The following SGMS2 variants were observed in gnomAD, a reference collection of about 807,000 sequenced individuals.
The protein encoded by SGMS2 is phosphatidylcholine:ceramide cholinephosphotransferase 2.
Under a neutral mutation model 43.8 loss-of-function variants are expected in SGMS2, and 21 were observed. That is an observed-to-expected ratio of 0.48 (90% CI 0.34 to 0.69). The LOEUF (loss-of-function observed/expected upper bound fraction) is 0.69, where lower values mean the gene tolerates loss of function less well. SGMS2 is among the 30% of genes least tolerant of loss of function. The pLI is 0.01. For synonymous variants in SGMS2, 167 were observed against 160.6 expected (o/e 1.04, Z -0.30); for missense variants, 384 against 443.2 (o/e 0.87, Z 1.20).
chr4:107,839,031 C>T (rs929412940), intron 1 of SGMS2, among the ~76,000 whole-genome samples: 3 of 152,170 alleles, frequency 2.0e-5, no homozygotes, highest in African/African-American at 7.2e-5. Context: ...GCTTGCTTAG[C>T]TCCATTCCTT....
At chr4:107,876,507 A>C (rs913692885) in intron 2 of SGMS2, among the ~76,000 whole-genome samples, 3 of 152,222 alleles carry the variant, frequency 2.0e-5, no homozygotes, top group Admixed American at 6.5e-5. Context: ...AACAGCAAGC[A>C]ATGTTTCAAG....
chr4:107,862,535 T>G (rs1341499690), intron 2 of SGMS2, among the ~76,000 whole-genome samples: 1 of 152,196 alleles, frequency 6.6e-6, no homozygotes, highest in African/African-American at 2.4e-5. Context: ...AGCTTTGTCT[T>G]AAAAGTTTTT....
chr4:107,880,578 G>T (rs573123413), intron 2 of SGMS2, among the ~76,000 whole-genome samples: 2 of 151,886 alleles, frequency 1.3e-5, no homozygotes, highest in African/African-American at 4.8e-5. Flanking sequence ...AAAGCTGGCC[G>T]GGTGCGATGG....
At chr4:107,848,483 GA>G (rs1473393406) in intron 1 of SGMS2, among the ~76,000 whole-genome samples, 1 of 152,100 alleles carries the variant, frequency 6.6e-6, no homozygotes, top group Non-Finnish European at 1.5e-5. Context: ...AGTTTTATAA[GA>G]AACTGCCTTA....
At chr4:107,869,743 G>A (rs1370495096) in intron 2 of SGMS2, among the ~76,000 whole-genome samples, 1 of 151,944 alleles carries the variant, frequency 6.6e-6, no homozygotes, top group Non-Finnish European at 1.5e-5. Flanking sequence ...AAAATACAGA[G>A]TAGAGGACAG....
At position 107,895,689 on chromosome 4, in the gene SGMS2, T is replaced by C. The variant is rs1229007532; in HGVS notation, c.136T>C (p.Ser46Pro). Reference protein sequence around the residue: ...KNGNGKPKSLSSGLRKGTKKY... With the variant: ...KNGNGKPKSLPSGLRKGTKKY... Reference sequence around the variant, plus strand: ...TGGCAATGGTAAACCCAAGAGCTTATCCAGTGGGCTGCGAAAAGGCACCAA... The same window carrying C: ...TGGCAATGGTAAACCCAAGAGCTTACCCAGTGGGCTGCGAAAAGGCACCAA... The change falls in exon 3 of 7, where the codon TCC becomes CCC. Residue 46 changes from serine (S) to proline (P), a missense_variant. Physicochemically the swap from Ser to Pro is moderately conservative, Grantham distance 74. Transcript: ENST00000690982. 1 of 1,614,012 alleles carries C rather than the reference T, an allele frequency of 6.2e-7. No homozygotes were observed. Among genetic ancestry groups the C allele is most frequent in the Admixed American group, 1.7e-5 (1 of 59,962 alleles).
intron 1 of SGMS2, among the ~76,000 whole-genome samples, chr4:107,848,440 A>G (rs1726952923): frequency 6.6e-6 from 1 of 152,162 alleles, no homozygotes; most frequent in Non-Finnish European, 1.5e-5. Flanking sequence ...ACCAAGGAGA[A>G]CTATTGCCTT....
chr4:107,847,388 T>C (rs1271780014), intron 1 of SGMS2, among the ~76,000 whole-genome samples: 1 of 152,130 alleles, frequency 6.6e-6, no homozygotes, highest in Non-Finnish European at 1.5e-5. Context: ...CCCCATTGCT[T>C]GTTTTTCTCA....
chr4:107,866,731 A>G (rs1728154043), intron 2 of SGMS2, among the ~76,000 whole-genome samples: 1 of 152,086 alleles, frequency 6.6e-6, no homozygotes. Flanking sequence ...TCTTTCTGTG[A>G]GACATGGGAT....
At chr4:107,860,490 T>C (rs374932530) in intron 2 of SGMS2, among the ~76,000 whole-genome samples, 1 of 151,966 alleles carries the variant, frequency 6.6e-6, no homozygotes, top group African/African-American at 2.4e-5. Flanking sequence ...GTAATTTTAA[T>C]AGATATCATT....
chr4:107,865,987 C>T (rs1728085163), intron 2 of SGMS2, among the ~76,000 whole-genome samples: 1 of 152,150 alleles, frequency 6.6e-6, no homozygotes, highest in Non-Finnish European at 1.5e-5. Context: ...AGCATAGCCC[C>T]TTATTTGAGA....
At chr4:107,850,525 C>A (rs1225964526) in intron 1 of SGMS2, among the ~76,000 whole-genome samples, 1 of 152,144 alleles carries the variant, frequency 6.6e-6, no homozygotes, top group Non-Finnish European at 1.5e-5. Context: ...GTGTGGTAAA[C>A]CCCATCCTTC....
intron 1 of SGMS2, among the ~76,000 whole-genome samples, chr4:107,842,383 G>A (rs1374150953): frequency 2.0e-5 from 3 of 152,116 alleles, no homozygotes; most frequent in South Asian, 4.1e-4. Flanking sequence ...AGAGAGGAGC[G>A]AGGTGCCACA....
chr4:107,843,791 T>C (rs1315867367), intron 1 of SGMS2, among the ~76,000 whole-genome samples: 1 of 152,210 alleles, frequency 6.6e-6, no homozygotes, highest in Non-Finnish European at 1.5e-5. Context: ...GAATTCTAGA[T>C]GTAATTCACA....
At chr4:107,864,635 G>T (rs547735625) in intron 2 of SGMS2, among the ~76,000 whole-genome samples, 1 of 152,282 alleles carries the variant, frequency 6.6e-6, no homozygotes, top group South Asian at 2.1e-4. Flanking sequence ...AATAAAAATT[G>T]TATATATTAA....
At chr4:107,909,888 T>G (rs1055012397) in intron 6 of SGMS2, among the ~76,000 whole-genome samples, 6 of 152,252 alleles carry the variant, frequency 3.9e-5, no homozygotes, top group African/African-American at 1.4e-4. Context: ...TTTGTAGCTC[T>G]GTTTCCTATT....
rs569651502 is a variant in SGMS2 at position 107,891,977 on chromosome 4, A to G, written c.-244-3333A>G. Among the ~76,000 whole-genome samples the G allele has an allele frequency of 5.3e-5, 8 of 152,018 alleles. No individual in the cohort carries two copies. The South Asian group carries it at 6.2e-4, about 12-fold the overall frequency. On this transcript the variant is annotated intron_variant, in intron 2 of 6. Coordinates refer to ENST00000690982, the MANE Select transcript of SGMS2 (RefSeq NM_001375905.1). ...CTTGCTTATCTATGTCTGCAGCTCAATTTTTCAGGCTGCTCTTCATTAGAC... is the reference window on the plus strand; with the variant it reads ...CTTGCTTATCTATGTCTGCAGCTCAGTTTTTCAGGCTGCTCTTCATTAGAC...
At chr4:107,872,404 C>T in intron 2 of SGMS2, among the ~76,000 whole-genome samples, 1 of 152,144 alleles carries the variant, frequency 6.6e-6, no homozygotes, top group East Asian at 1.9e-4. Flanking sequence ...TATTGTCTTA[C>T]ATTAGCAGAA....
intron 2 of SGMS2, among the ~76,000 whole-genome samples, chr4:107,862,131 G>A (rs538171618): frequency 3.5e-4 from 54 of 152,302 alleles, no homozygotes; most frequent in African/African-American, 1.2e-3. Context: ...AGTATTTAAC[G>A]CATAGAAATG....
Sources: allele counts gnomAD v4.1 joint callset (sites outside exome capture counted in the v4.1 genomes callset), GRCh38; gene constraint gnomAD v4.1.1; transcripts MANE v1.5; gene names NCBI Gene and HGNC (gene_info 2026-07-23, HGNC 2026-07-21).